Variants in DIP2C observed in about 807,000 individuals in gnomAD.
DIP2C encodes DIP2 acetate--CoA ligase C (putative), also known as disco-interacting protein 2 homolog C.
Under a neutral mutation model 192.4 loss-of-function variants are expected in DIP2C, and 33 were observed. The observed-to-expected ratio is 0.17, with a 90% CI of 0.13 to 0.23. The LOEUF is 0.23. DIP2C is among the 10% of genes least tolerant of loss of function. The pLI, the probability that DIP2C is intolerant of heterozygous loss-of-function variation, is 1.00. For missense variants in DIP2C, 1,537 were observed against 2,110.1 expected (o/e 0.73, Z 5.32); for synonymous variants, 979 against 864.1 (o/e 1.13, Z -2.33).
chr10:524,507 T>C (rs2130831212), intron 1 of DIP2C, among the ~76,000 whole-genome samples: 1 of 152,282 alleles, frequency 6.6e-6, no homozygotes, highest in East Asian at 1.9e-4. Flanking sequence ...TATATATGTG[T>C]ATATGTGCAA....
intron 1 of DIP2C, among the ~76,000 whole-genome samples, chr10:686,181 G>A (rs944542500): frequency 1.3e-5 from 2 of 152,082 alleles, no homozygotes; most frequent in East Asian, 1.9e-4. Context: ...GAAAGCAGCC[G>A]CCACAGCCCT....
chr10:294,229 T>C (rs1955636295), intron 32 of DIP2C, among the ~76,000 whole-genome samples: 1 of 152,160 alleles, frequency 6.6e-6, no homozygotes. Context: ...CAAGGCCAGA[T>C]GGGTTCCAAG....
chr10:666,664 A>G lies in DIP2C; in HGVS notation c.85+22830T>C, dbSNP rs888100860. On this transcript the variant is annotated intron_variant, in intron 1 of 36. Coordinates refer to ENST00000280886, the MANE Select transcript of DIP2C (RefSeq NM_014974.3). The surrounding 1 kb of genome is among the most constrained non-coding windows in gnomAD (Gnocchi z 4.1). ...CGTGGCCTGTCTGCGCACAGCTATT[A>G]AAAGTTCAATAAACGTGGTGGCAGC... The G allele has an allele frequency of 6.7e-6, 1 of 150,252 alleles. No homozygotes were observed. The highest frequency in any genetic ancestry group is 2.5e-5 in the African/African-American group (1 of 40,576). 9.3% of individuals were successfully genotyped at this position (150,252 alleles called of 1,614,324 possible).
At chr10:401,147 G>C (rs1214538973) in intron 9 of DIP2C, among the ~76,000 whole-genome samples, 3 of 147,002 alleles carry the variant, frequency 2.0e-5, no homozygotes, top group Non-Finnish European at 1.5e-5. Context: ...GGACAAGTTT[G>C]GTATGTGTTC....
intron 16 of DIP2C, among the ~76,000 whole-genome samples, chr10:383,053 C>T (rs1036456029): frequency 1.3e-5 from 2 of 152,170 alleles, no homozygotes; most frequent in Middle Eastern, 3.2e-3. Flanking sequence ...ACAGAAGTTC[C>T]AAGACAGGGG....
intron 1 of DIP2C, chr10:667,786 ACT>A (rs1336749116): frequency 3.3e-5 from 5 of 152,188 alleles, no homozygotes; most frequent in Admixed American, 6.6e-5. Context: ...AACACACAAC[ACT>A]CATACAAAAC....
intron 1 of DIP2C, among the ~76,000 whole-genome samples, chr10:522,527 G>C (rs1029746283): frequency 3.9e-5 from 6 of 152,244 alleles, no homozygotes; most frequent in Admixed American, 1.3e-4. Context: ...CCACAAGTGA[G>C]GGTCCTGATG....
intron 3 of DIP2C, among the ~76,000 whole-genome samples, chr10:461,570 C>A (rs1278142580): frequency 6.6e-6 from 1 of 152,190 alleles, no homozygotes; most frequent in Non-Finnish European, 1.5e-5. Flanking sequence ...GACTTAGACT[C>A]CCACACAGTA....
rs552994370 is a variant in DIP2C at position 461,433 on chromosome 10, C to A, written c.268+11006G>T. 2.2e-4 allele frequency among the ~76,000 whole-genome samples: 34 copies of A among 152,256 alleles called. No homozygotes were observed. The South Asian group carries it at 5.2e-3, about 23-fold the overall frequency. On this transcript the variant is annotated intron_variant, in intron 3 of 36. Transcript: ENST00000280886. ...TTAAACCAACAAAGATCAAAAAAGA[C>A]AAAGAAGGGCATTACACAATGGCAA... is the stretch of plus-strand genomic sequence containing the variant.
chr10:656,134 A>G (rs997292432), intron 1 of DIP2C, among the ~76,000 whole-genome samples: 1 of 151,180 alleles, frequency 6.6e-6, no homozygotes, highest in Non-Finnish European at 1.5e-5. Context: ...CCTATTGTAC[A>G]CTATACTATA....
At chr10:453,518 G>A (rs1042579297) in intron 3 of DIP2C, among the ~76,000 whole-genome samples, 2 of 152,242 alleles carry the variant, frequency 1.3e-5, no homozygotes, top group African/African-American at 2.4e-5. Context: ...GGCAGTGATT[G>A]TCTAGTATTT....
At chr10:326,392 G>A in intron 31 of DIP2C, among the ~76,000 whole-genome samples, 1 of 152,208 alleles carries the variant, frequency 6.6e-6, no homozygotes, top group Non-Finnish European at 1.5e-5. Flanking sequence ...TAGGATAGGG[G>A]GTGGGGAGAG....
At chr10:536,068 A>AT (rs558127596) in intron 1 of DIP2C, among the ~76,000 whole-genome samples, 222 of 152,272 alleles carry the variant, frequency 1.5e-3, no homozygotes, top group African/African-American at 5.1e-3. Flanking sequence ...ATATAAATTG[A>AT]TTCTCTCCCA....
At chr10:296,618 G>C (rs1037625104) in intron 32 of DIP2C, among the ~76,000 whole-genome samples, 1 of 152,110 alleles carries the variant, frequency 6.6e-6, no homozygotes. Flanking sequence ...ATTCACAATA[G>C]CAAAGACTTG....
In DIP2C at chr10:277,454, G is replaced by C; in HGVS notation, c.4542C>G (p.Val1514=). ...NVVLEEHYLI[V]GVVVVVDIGV... ...CGATGTCCACCACGACCACCACTCC[G>C]ACGATCAGGTAGTGCTCCTCCAGGA... The change falls in exon 37 of 37, where the codon GTC becomes GTG. Residue 1514 remains valine, a synonymous_variant. Transcript: ENST00000280886. 1 of 1,614,160 alleles carries C rather than the reference G, an allele frequency of 6.2e-7. No homozygotes were observed. The highest frequency in any genetic ancestry group is 8.5e-7 in the Non-Finnish European group (1 of 1,180,036).
chr10:611,594 AG>A (rs1853103782), intron 1 of DIP2C, among the ~76,000 whole-genome samples: 1 of 152,226 alleles, frequency 6.6e-6, no homozygotes. Flanking sequence ...GGGCCTCTTT[AG>A]CAGCAGAAAA....
intron 31 of DIP2C, chr10:324,663 C>A: frequency 4.7e-6 from 1 of 211,016 alleles, no homozygotes; most frequent in Non-Finnish European, 9.8e-6. Flanking sequence ...TTTGATTTAG[C>A]GGTCATATTG....
intron 1 of DIP2C, among the ~76,000 whole-genome samples, chr10:530,738 AC>A (rs558204844): frequency 6.6e-6 from 1 of 151,344 alleles, no homozygotes; most frequent in African/African-American, 2.4e-5. Context: ...TCAACATGGC[AC>A]CCCCTGCTGT....
intron 1 of DIP2C, among the ~76,000 whole-genome samples, chr10:528,394 C>T (rs1294168681): frequency 1.3e-5 from 2 of 150,184 alleles, no homozygotes; most frequent in Non-Finnish European, 3.0e-5. Context: ...TCCCCCAGAA[C>T]GCAGACCGCC....
Sources: gnomAD v4.1 joint callset for allele counts (sites outside exome capture counted in the v4.1 genomes callset) on GRCh38, gnomAD v4.1.1 for gene constraint, Gnocchi (gnomAD v3.1) non-coding constraint, MANE v1.5 for transcripts, NCBI Gene and HGNC (gene_info 2026-07-23, HGNC 2026-07-21) for gene names.